Variants in RNPEPL1 observed in about 807,000 individuals in gnomAD.
RNPEPL1 encodes the protein arginyl aminopeptidase like 1, also known as aminopeptidase RNPEPL1.
Under a neutral mutation model 69.0 loss-of-function variants are expected in RNPEPL1, and 46 were observed. That is an observed-to-expected ratio of 0.67 (90% confidence interval 0.53 to 0.85). RNPEPL1 has a LOEUF of 0.85. Among genes scored for constraint, RNPEPL1 ranks in the 40% least tolerant of loss-of-function variants. The pLI is 0.00. For synonymous variants in RNPEPL1, 525 were observed against 454.1 expected (o/e 1.16, Z -1.98); for missense variants, 869 against 992.5 (o/e 0.88, Z 1.67).
At position 240,574,501 on chromosome 2, in the gene RNPEPL1, C is replaced by T. The variant is rs773999252; in HGVS notation, c.1175-14C>T. 29 of 1,604,140 alleles carry T rather than the reference C, an allele frequency of 1.8e-5. No individual in the cohort carries two copies. The highest frequency in any genetic ancestry group is 9.0e-5 in the East Asian group (4 of 44,620). ...CACCCCCTCACCTCTCCTCTGTCTC[C>T]GGACCCCATCCAGGTGCTGCCTTCA... On this transcript the variant is annotated splice_polypyrimidine_tract_variant and intron_variant, in intron 5 of 10. Transcript: ENST00000270357.
Position 240,580,875 on chromosome 2 carries a change from C to A in RNPEPL1, c.*2983C>A, listed in dbSNP as rs2093050675. On this transcript the variant is annotated 3_prime_UTR_variant, in exon 11 of 11. Transcript: ENST00000270357. ...CAGAGATAGATTAGAAAGCTGAAGC[C>A]TGAAAAAACAGTGAAGGAGACCCAT... 6.6e-6 allele frequency: 1 copy of A among 152,158 alleles called. No homozygotes were observed. The highest frequency in any genetic ancestry group is 2.4e-5 in the African/African-American group (1 of 41,450). 9.4% of individuals were successfully genotyped at this position (152,158 alleles called of 1,614,324 possible).
intron 2 of RNPEPL1, 65 bp downstream of exon 2, chr2:240,572,628 T>G: frequency 6.6e-7 from 1 of 1,517,722 alleles, no homozygotes; most frequent in Non-Finnish European, 8.8e-7. Flanking sequence ...CCACGCCGCC[T>G]CCCCCTTGCT....
At chr2:240,575,395 C>A (rs1458979445) in intron 7 of RNPEPL1, 107 bp from the exon 8 acceptor site, 1 of 982,940 alleles carries the variant, frequency 1.0e-6, no homozygotes, top group East Asian at 2.4e-5. Flanking sequence ...TGCCCCTGTG[C>A]CCAGCACGTA....
chr2:240,573,124 G>A lies in RNPEPL1; in HGVS notation c.684G>A (p.Val228=), dbSNP rs564790395. ...CCTCCTTACAGGCGCCATCGGGGGT[G>A]CAGGTGCTGATGAGTGCCACCCGGA... The part of the protein sequence containing the change: ...YSAVVKAPSG[V]QVLMSATRSA... Residue 228 remains valine (V), a synonymous_variant, in exon 3 of 11, where the codon GTG becomes GTA. Coordinates refer to ENST00000270357, the MANE Select transcript of RNPEPL1 (RefSeq NM_018226.6). 4 of 1,608,438 alleles carry A rather than the reference G, an allele frequency of 2.5e-6. No individual in the cohort carries two copies. Among genetic ancestry groups the A allele is most frequent in the East Asian group, 2.2e-5 (1 of 44,732 alleles).
intron 1 of RNPEPL1, among the ~76,000 whole-genome samples, chr2:240,571,477 G>A (rs762234521): frequency 5.0e-4 from 76 of 152,280 alleles, no homozygotes; most frequent in Non-Finnish European, 9.4e-4. Flanking sequence ...GACTTGGGAC[G>A]AAGGTGATGT....
chr2:240,577,716 G>A lies in RNPEPL1; in HGVS notation c.2002G>A (p.Ala668Thr). 1 of 1,612,666 alleles carries A rather than the reference G, an allele frequency of 6.2e-7. No individual in the cohort carries two copies. Among genetic ancestry groups the A allele is most frequent in the East Asian group, 2.2e-5 (1 of 44,870 alleles). ...CCGGCTGCACCCCAACCTGCGCAGA[G>A]CCATCCAGCAGATCCTGTCCCAGGG... Reference protein sequence around the residue: ...QGRLHPNLRRAIQQILSQGLG... With the variant: ...QGRLHPNLRRTIQQILSQGLG... Residue 668 changes from alanine (A) to threonine (T), a missense_variant, in exon 11 of 11, where the codon GCC (alanine) becomes ACC (threonine). Transcript: ENST00000270357.
At chr2:240,571,678 T>G (rs2093021885) in intron 1 of RNPEPL1, among the ~76,000 whole-genome samples, 1 of 151,424 alleles carries the variant, frequency 6.6e-6, no homozygotes, top group Non-Finnish European at 1.5e-5. Context: ...ACAGCTTTGG[T>G]GCAGATGAGA....
chr2:240,571,100 C>G (rs73108015), intron 1 of RNPEPL1, among the ~76,000 whole-genome samples: 1,667 of 152,218 alleles, frequency 0.011, 21 homozygotes, highest in East Asian at 0.042. Context: ...CCAGCCCCCC[C>G]CAAGGGGGAG....
At chr2:240,577,417 G>A (rs1366562724) in intron 10 of RNPEPL1, among the ~76,000 whole-genome samples, 182 bp from the exon 11 acceptor site, 1 of 152,232 alleles carries the variant, frequency 6.6e-6, no homozygotes, top group African/African-American at 2.4e-5. Context: ...TGGTTGGCCT[G>A]GAAGGGCAGG....
chr2:240,577,699 A>C lies in RNPEPL1; in HGVS notation c.1985A>C (p.His662Pro). ...TTCTACCAGACGCAGGGCCGGCTGC[A>C]CCCCAACCTGCGCAGAGCCATCCAG... ...EVFYQTQGRL[H>P]PNLRRAIQQI... Residue 662 changes from histidine to proline, a missense_variant, in exon 11 of 11, where the codon CAC becomes CCC. Transcript: ENST00000270357. The C allele has an allele frequency of 6.2e-7, 1 of 1,612,532 alleles. No individual in the cohort carries two copies. The highest frequency in any genetic ancestry group is 8.5e-7 in the Non-Finnish European group (1 of 1,179,694).
In RNPEPL1 at chr2:240,576,531, C is replaced by T. The variant is rs753619904; in HGVS notation, c.1511-4C>T. On this transcript the variant is annotated splice_polypyrimidine_tract_variant and splice_region_variant and intron_variant, in intron 8 of 10. Transcript: ENST00000270357. The stretch of plus-strand genomic sequence containing the variant: ...GGGACCCCAGGGTCACTTCTCCCCT[C>T]TAGGGCTGGAATTCGAGCGCTGGCT... The T allele has an allele frequency of 7.5e-6, 12 of 1,608,744 alleles. No individual in the cohort carries two copies. In the South Asian group the frequency reaches 1.3e-4, roughly 18 times the overall value.
Position 240,578,075 on chromosome 2 carries a change from T to C in RNPEPL1, c.*183T>C. ...GACCTCCTTGTGTCTGGCAGAGACC[T>C]GTGGACCTGGCCTCCCCACTCCCAG... is the stretch of plus-strand genomic sequence containing the variant. On this transcript the variant is annotated 3_prime_UTR_variant, in exon 11 of 11. Coordinates refer to ENST00000270357, the MANE Select transcript of RNPEPL1 (RefSeq NM_018226.6). The C allele has an allele frequency of 1.8e-6, 1 of 541,344 alleles. No individual in the cohort carries two copies. Among genetic ancestry groups the C allele is most frequent in the Admixed American group, 3.6e-5 (1 of 27,726 alleles). The allele number at this position is 541,344 out of a possible 1,614,324, so 33.5% of individuals were successfully genotyped here.
rs749552136 is a variant in RNPEPL1, at chr2:240,577,930, A to G, written c.*38A>G. On this transcript the variant is annotated 3_prime_UTR_variant, in exon 11 of 11. Transcript: ENST00000270357. ...GCTGACCCTCGACCTCCCAGACACC[A>G]CAATTGTGCCTTCTGTGGGCCAGGC... 1.3e-5 allele frequency: 19 copies of G among 1,439,316 alleles called. 1 individual carries two copies. The Admixed American group carries it at 2.5e-4, about 19-fold the overall frequency. 89.2% of individuals were successfully genotyped at this position (1,439,316 alleles called of 1,614,324 possible).
At chr2:240,573,321 G>C (rs1474176216) in intron 3 of RNPEPL1, 60 bp downstream of exon 3, 1 of 1,502,704 alleles carries the variant, frequency 6.7e-7, no homozygotes, top group Non-Finnish European at 8.9e-7. Flanking sequence ...GCCCCACCGG[G>C]GGTCTGTGGC....
intron 1 of RNPEPL1, among the ~76,000 whole-genome samples, chr2:240,571,116 G>A (rs1297123124): frequency 4.6e-5 from 7 of 152,142 alleles, no homozygotes; most frequent in Admixed American, 6.5e-5. Context: ...GGGAGGCTGC[G>A]TTTGTGAATG....
chr2:240,574,669 C>A, intron 6 of RNPEPL1, 41 bp downstream of exon 6: 1 of 1,516,878 alleles, frequency 6.6e-7, no homozygotes, highest in South Asian at 1.2e-5. Context: ...CTGGGGATGT[C>A]ACCCCTCAAG....
chr2:240,576,354 C>T, intron 8 of RNPEPL1, 181 bp from the exon 9 acceptor site: 1 of 616,230 alleles, frequency 1.6e-6, no homozygotes, highest in Non-Finnish European at 2.8e-6. Flanking sequence ...CACAGAAGCC[C>T]CTTCAGTGGC....
chr2:240,571,971 G>A (rs942499374), intron 1 of RNPEPL1, among the ~76,000 whole-genome samples: 3 of 152,200 alleles, frequency 2.0e-5, no homozygotes, highest in Non-Finnish European at 4.4e-5. Context: ...GCCATCAGGA[G>A]GCTCTGGCTT....
At chr2:240,570,751 T>C (rs1421683230) in intron 1 of RNPEPL1, among the ~76,000 whole-genome samples, 3 of 152,142 alleles carry the variant, frequency 2.0e-5, no homozygotes, top group African/African-American at 7.2e-5. Context: ...CTTGTTCCTT[T>C]TCCACCAGCC....
Sources: gnomAD v4.1 joint callset for allele counts (sites outside exome capture counted in the v4.1 genomes callset) on GRCh38, gnomAD v4.1.1 for gene constraint, MANE v1.5 for transcripts, NCBI Gene and HGNC (gene_info 2026-07-23, HGNC 2026-07-21) for gene names.